The following CORO7 variants were observed in gnomAD, a reference collection of about 807,000 sequenced individuals.
CORO7 encodes coronin 7, also known as coronin-7.
A neutral mutation model predicts 126.6 loss-of-function variants in CORO7; 107 were observed. The ratio of observed to expected loss-of-function variants is 0.85; its 90% CI spans 0.72 to 0.99. The LOEUF is 0.99. Ranked by LOEUF, CORO7 falls within the 50% of genes least tolerant of loss-of-function variation. CORO7 has a pLI of 0.00. For synonymous variants in CORO7, 603 were observed against 536.8 expected, an observed-to-expected ratio of 1.12 and a Z score of -1.70; for missense variants, 1,314 against 1,255.8, an observed-to-expected ratio of 1.05 and a Z score of -0.70.
rs2054224984 is a variant in CORO7, at chr16:4,362,781, C to T, written c.1276-43G>A. ...GTCAGCCAGCCTGCTCCTAGGTGTA[C>T]TGGCCAAAAGGAGGGGGTGCCAGCG... On this transcript the variant is annotated intron_variant, in intron 14 of 27. Coordinates refer to ENST00000251166, the MANE Select transcript of CORO7 (RefSeq NM_024535.5). The surrounding 1 kb of genome is among the most constrained non-coding windows in gnomAD (Gnocchi z 5.3). 2 of 1,307,886 alleles carry T rather than the reference C, an allele frequency of 1.5e-6. No individual in the cohort carries two copies. The highest frequency in any genetic ancestry group is 2.0e-6 in the Non-Finnish European group (2 of 1,024,602). 81.0% of individuals were successfully genotyped at this position (1,307,886 alleles called of 1,614,324 possible).
In CORO7 at chr16:4,413,416, G is replaced by C. The variant is rs758386468; in HGVS notation, c.61-12C>G. On this transcript the variant is annotated splice_polypyrimidine_tract_variant and intron_variant, in intron 1 of 27. Coordinates refer to ENST00000251166, the MANE Select transcript of CORO7 (RefSeq NM_024535.5). ...TCACTGATCCAGGACTGAAAATCAAGAGTAAAGAAGTATGTGGTGAGAGCC... is the reference window on the plus strand; with the variant it reads ...TCACTGATCCAGGACTGAAAATCAACAGTAAAGAAGTATGTGGTGAGAGCC... 1.3e-6 allele frequency: 2 copies of C among 1,559,782 alleles called. No individual in the cohort carries two copies. The highest frequency in any genetic ancestry group is 1.7e-6 in the Non-Finnish European group (2 of 1,150,624).
chr16:4,412,095 G>A (rs1041847174), intron 3 of CORO7, among the ~76,000 whole-genome samples: 7 of 151,968 alleles, frequency 4.6e-5, no homozygotes, highest in Admixed American at 4.6e-4. Context: ...CATCAGCCTG[G>A]AGCCTGGGGC....
intron 9 of CORO7, among the ~76,000 whole-genome samples, chr16:4,376,321 G>A (rs1475454857): frequency 1.3e-5 from 2 of 152,212 alleles, no homozygotes; most frequent in Admixed American, 1.3e-4. Context: ...CCTGCCTGGA[G>A]GGGTTGGCAG....
At chr16:4,373,957 A>AC (rs1327748924) in intron 9 of CORO7, among the ~76,000 whole-genome samples, 7 of 151,884 alleles carry the variant, frequency 4.6e-5, no homozygotes, top group East Asian at 1.9e-4. Flanking sequence ...CCTCTCCTGG[A>AC]CCCCCCATCA....
rs758088815 is a variant in CORO7, at chr16:4,359,542, C to G, written c.2188G>C (p.Ala730Pro). ...GPLAVLGLDV[A>P]PSTLLPSYDP... is the part of the protein sequence containing the mutation. ...TAGCTGGGCAGCAGGGTTGAGGGAG[C>G]CACGTCCAGGCCCAACACTGCCAAG... Residue 730 changes from alanine (A) to proline (P), a missense_variant, in exon 22 of 28, where the codon GCT becomes CCT. By Grantham distance (27) the Ala-to-Pro change is conservative. Transcript: ENST00000251166. 1.2e-6 allele frequency: 2 copies of G among 1,613,258 alleles called. No homozygotes were observed. The highest frequency in any genetic ancestry group is 1.7e-6 in the Non-Finnish European group (2 of 1,179,870).
intron 9 of CORO7, chr16:4,381,751 C>T (rs780895830): frequency 2.9e-5 from 46 of 1,602,966 alleles, no homozygotes; most frequent in Non-Finnish European, 3.8e-5. Context: ...CCGCCTGCGG[C>T]TGCTGGCAGC....
intron 7 of CORO7, among the ~76,000 whole-genome samples, chr16:4,390,066 CCCTGTG>C (rs2055333895): frequency 6.6e-6 from 1 of 152,140 alleles, no homozygotes; most frequent in South Asian, 2.1e-4. Flanking sequence ...TGGGGAAAGT[CCCTGTG>C]CCCGTGGAAT....
intron 3 of CORO7, 129 bp downstream of exon 3, chr16:4,412,227 T>C: frequency 2.1e-6 from 2 of 963,020 alleles, no homozygotes; most frequent in Admixed American, 1.9e-5. Context: ...TCTCAGAGAG[T>C]GCACAGACAG....
At chr16:4,377,732 ACT>A (rs1260459173) in intron 9 of CORO7, among the ~76,000 whole-genome samples, 2 of 151,030 alleles carry the variant, frequency 1.3e-5, no homozygotes, top group East Asian at 2.0e-4. Context: ...TAGCTTACAA[ACT>A]CTGGGGTTTT....
At chr16:4,384,531 G>A (rs933364489) in intron 9 of CORO7, among the ~76,000 whole-genome samples, 2 of 152,206 alleles carry the variant, frequency 1.3e-5, no homozygotes, top group Non-Finnish European at 2.9e-5. Context: ...TCATGGCCCC[G>A]GCCCCCAGCA....
intron 9 of CORO7, chr16:4,382,696 G>A: frequency 1.3e-6 from 2 of 1,547,126 alleles, no homozygotes; most frequent in Non-Finnish European, 1.7e-6. Context: ...GGCCATGGCA[G>A]CAGCGGCTCA....
At chr16:4,374,187 G>A (rs1307233706) in intron 9 of CORO7, among the ~76,000 whole-genome samples, 1 of 151,966 alleles carries the variant, frequency 6.6e-6, no homozygotes, top group African/African-American at 2.4e-5. Flanking sequence ...CTGTGTATTT[G>A]GGGGTGGGTG....
intron 7 of CORO7, among the ~76,000 whole-genome samples, chr16:4,389,691 T>A (rs1262222355): frequency 6.6e-6 from 1 of 152,112 alleles, no homozygotes; most frequent in Non-Finnish European, 1.5e-5. Context: ...CACTGCCCTC[T>A]CTCCACGTAA....
intron 9 of CORO7, among the ~76,000 whole-genome samples, chr16:4,375,783 C>G (rs184942007): frequency 1.3e-5 from 2 of 152,210 alleles, no homozygotes; most frequent in South Asian, 4.1e-4. Context: ...CCACCATGCC[C>G]GGCAGAATTT....
chr16:4,412,391 T>C lies in CORO7; in HGVS notation c.197A>G (p.Asp66Gly). 6.2e-7 allele frequency: 1 copy of C among 1,614,156 alleles called. No homozygotes were observed. Among genetic ancestry groups the C allele is most frequent in the Non-Finnish European group, 8.5e-7 (1 of 1,180,020 alleles). The change falls in exon 3 of 28, where the codon GAC becomes GGC. Residue 66 changes from aspartate to glycine, a missense_variant. Physicochemically the swap from Asp to Gly is moderately conservative, Grantham distance 94. Coordinates refer to ENST00000251166, the MANE Select transcript of CORO7 (RefSeq NM_024535.5). ...GIVPLQGQGE[D>G]KRRVAHLGCH... ...GCCCAGGTGGGCCACGCGTCGCTTG[T>C]CCTCTCCTTGGCCTTGCAGAGGCAC...
chr16:4,363,970 G>A (rs1228083777), intron 14 of CORO7, among the ~76,000 whole-genome samples: 2 of 151,878 alleles, frequency 1.3e-5, no homozygotes, highest in Non-Finnish European at 2.9e-5. Flanking sequence ...AGTGAGCCGA[G>A]ATCACACCAT....
chr16:4,364,852 T>A lies in CORO7; in HGVS notation c.967A>T (p.Met323Leu), dbSNP rs1012943164. ...AGGACGCGGAGTACCTCGCAGCTCA[T>A]GACGGCCAGCGCCTGCCGGGGCACA... ...ALVPRQALAV[M>L]SCEVLRVLQL... The change falls in exon 12 of 28, where the codon ATG becomes TTG. Residue 323 changes from methionine (M) to leucine (L), a missense_variant. Coordinates refer to ENST00000251166, the MANE Select transcript of CORO7 (RefSeq NM_024535.5). 2 of 1,611,934 alleles carry A rather than the reference T, an allele frequency of 1.2e-6. No homozygotes were observed. Among genetic ancestry groups the A allele is most frequent in the African/African-American group, 1.3e-5 (1 of 74,876 alleles).
chr16:4,402,401 T>C lies in CORO7; in HGVS notation c.564+3090A>G, dbSNP rs572259421. Among the ~76,000 whole-genome samples the C allele has an allele frequency of 6.6e-5, 10 of 152,214 alleles. No homozygotes were observed. In the East Asian group the frequency reaches 1.9e-3, roughly 29 times the overall value. On this transcript the variant is annotated intron_variant, in intron 6 of 27. Transcript: ENST00000251166. ...CTGGGACCACAGGCGCGTGCCACCA[T>C]GCCTGTCTAATGTTTGCATTTTTTT...
intron 9 of CORO7, among the ~76,000 whole-genome samples, chr16:4,370,304 A>C (rs139077075): frequency 3.3e-5 from 5 of 152,302 alleles, no homozygotes; most frequent in Non-Finnish European, 7.4e-5. Context: ...CAGGAAACTC[A>C]AGTGAGTGGA....
Sources: allele counts gnomAD v4.1 joint callset (sites outside exome capture counted in the v4.1 genomes callset), GRCh38; gene constraint gnomAD v4.1.1; non-coding constraint Gnocchi (gnomAD v3.1); transcripts MANE v1.5; gene names NCBI Gene and HGNC (gene_info 2026-07-23, HGNC 2026-07-21).